CDHR3: variants seen among roughly 807,000 people sequenced by gnomAD.
CDHR3 encodes the protein cadherin related family member 3.
A neutral mutation model predicts 86.6 loss-of-function variants in CDHR3; 79 were observed. The observed-to-expected ratio is 0.91, with a 90% CI of 0.76 to 1.10. CDHR3 has a LOEUF of 1.10. CDHR3 is among the 50% of genes least tolerant of loss of function. The probability of loss-of-function intolerance (pLI) is 0.00; values close to 1 mark genes in which losing one functional copy is unlikely to be tolerated. For missense variants in CDHR3, 1,081 were observed against 1,077.6 expected, an observed-to-expected ratio of 1.00 and a Z score of -0.04; for synonymous variants, 421 against 402.4, an observed-to-expected ratio of 1.05 and a Z score of -0.55.
chr7:106,033,883 A>G lies in CDHR3; in HGVS notation c.*1186A>G, dbSNP rs996310974. 6.6e-6 allele frequency: 1 copy of G among 152,256 alleles called. No individual in the cohort carries two copies. Among genetic ancestry groups the G allele is most frequent in the African/African-American group, 2.4e-5 (1 of 41,458 alleles). 9.4% of individuals were successfully genotyped at this position (152,256 alleles called of 1,614,324 possible). On this transcript the variant is annotated 3_prime_UTR_variant, in exon 19 of 19. Transcript: ENST00000317716. ...TGCTGGATCTGCCAAAGAGTTCCAA[A>G]GTGGTGGCTCTGATTCACATTCCAG...
intron 8 of CDHR3, among the ~76,000 whole-genome samples, chr7:106,010,439 G>T (rs1003778458): frequency 2.0e-5 from 3 of 152,202 alleles, no homozygotes; most frequent in African/African-American, 7.2e-5. Context: ...AAGTCCCTAT[G>T]AATGAAACCA....
chr7:106,027,758 T>C, intron 16 of CDHR3: 1 of 404,310 alleles, frequency 2.5e-6, no homozygotes. Context: ...ATTATAGTGG[T>C]TATTGATCAT....
chr7:105,984,076 G>T, intron 3 of CDHR3, 116 bp from the exon 4 acceptor site: 2 of 504,898 alleles, frequency 4.0e-6, no homozygotes, highest in Non-Finnish European at 3.5e-6. Context: ...TGCATTCTTG[G>T]TCCCACGATG....
intron 13 of CDHR3, among the ~76,000 whole-genome samples, chr7:106,020,976 GTGT>G (rs1450475014): frequency 2.0e-5 from 3 of 152,236 alleles, no homozygotes; most frequent in South Asian, 2.1e-4. Flanking sequence ...AAGCATATTA[GTGT>G]TGTTAGAAAA....
chr7:106,013,336 C>T (rs1246078345), intron 9 of CDHR3, among the ~76,000 whole-genome samples: 2 of 152,144 alleles, frequency 1.3e-5, no homozygotes, highest in South Asian at 4.1e-4. Context: ...TGTGCTCAGG[C>T]ACTTTTGTTT....
chr7:105,969,260 G>C (rs1827512443), intron 1 of CDHR3, among the ~76,000 whole-genome samples: 1 of 150,590 alleles, frequency 6.6e-6, no homozygotes, highest in East Asian at 1.9e-4. Context: ...TTAGCCGGGC[G>C]AGGTGGCGGG....
chr7:106,023,746 G>A (rs913162578), intron 14 of CDHR3, among the ~76,000 whole-genome samples: 5 of 152,204 alleles, frequency 3.3e-5, no homozygotes, highest in Non-Finnish European at 7.3e-5. Context: ...GTGAATGGAG[G>A]CATATGGCAA....
In CDHR3 at chr7:105,994,937, TG is replaced by T. The variant is rs550909081; in HGVS notation, c.608+98del. On this transcript the variant is annotated intron_variant, in intron 5 of 18. Coordinates refer to ENST00000317716, the MANE Select transcript of CDHR3 (RefSeq NM_152750.5). Reference sequence around the variant, plus strand: ...GGTCACAGTGCAACCTGAGGGCAGCTGGGGGGAGCCCCTTGAGCAGTCTACA... The same window carrying T: ...GGTCACAGTGCAACCTGAGGGCAGCTGGGGGAGCCCCTTGAGCAGTCTACA... The T allele has an allele frequency of 6.1e-4, 620 of 1,010,206 alleles. 6 individuals are homozygous for T. In the African/African-American group the frequency reaches 8.7e-3, roughly 14 times the overall value. 62.6% of individuals were successfully genotyped at this position (1,010,206 alleles called of 1,614,324 possible).
intron 1 of CDHR3, among the ~76,000 whole-genome samples, chr7:105,967,585 T>A (rs1454468843): frequency 6.6e-6 from 1 of 152,330 alleles, no homozygotes; most frequent in East Asian, 1.9e-4. Flanking sequence ...CGTAAAAGCG[T>A]TCCTATTTCT....
chr7:106,030,026 A>G lies in CDHR3; in HGVS notation c.2305-766A>G, dbSNP rs149832327. On this transcript the variant is annotated intron_variant, in intron 17 of 18. Transcript: ENST00000317716. This position sits in a 1 kb window ranked among gnomAD's most constrained non-coding sequence, Gnocchi z 4.8. ...CTTCAGAGTTGGGGAGTTGTGGGGA[A>G]CTAGGTAGGGGATCCTTTAAGTGAT... 7.9e-3 allele frequency among the ~76,000 whole-genome samples: 1,196 copies of G among 152,328 alleles called. 8 individuals are homozygous for G. The highest frequency in any genetic ancestry group is 0.011 in the Admixed American group (163 of 15,300).
Position 106,022,179 on chromosome 7 carries a change from T to C in CDHR3, c.1826-19T>C. 1 of 1,613,470 alleles carries C rather than the reference T, an allele frequency of 6.2e-7. No homozygotes were observed. The highest frequency in any genetic ancestry group is 2.2e-5 in the East Asian group (1 of 44,886). The stretch of plus-strand genomic sequence containing the variant: ...CTTTTCTTCCTTTTACCAACACCCC[T>C]GCATCAAATCTCATTTAGGTAACGT... On this transcript the variant is annotated intron_variant, in intron 13 of 18. Transcript: ENST00000317716.
At chr7:106,005,327 C>T (rs1371742903) in intron 8 of CDHR3, among the ~76,000 whole-genome samples, 1 of 152,314 alleles carries the variant, frequency 6.6e-6, no homozygotes, top group Middle Eastern at 3.4e-3. Flanking sequence ...ACAATAAAGT[C>T]CCTTGTGATT....
intron 8 of CDHR3, among the ~76,000 whole-genome samples, chr7:106,007,265 C>T (rs1834069934): frequency 6.6e-6 from 1 of 152,208 alleles, no homozygotes; most frequent in African/African-American, 2.4e-5. Flanking sequence ...CTCTGACATG[C>T]CCTGGTGACA....
intron 1 of CDHR3, among the ~76,000 whole-genome samples, chr7:105,971,365 T>C (rs890491246): frequency 1.2e-4 from 18 of 152,186 alleles, no homozygotes; most frequent in Admixed American, 1.1e-3. Context: ...CAGTCTGGCT[T>C]TCACCATACA....
At chr7:106,004,019 A>G (rs1023068549) in intron 7 of CDHR3, among the ~76,000 whole-genome samples, 2 of 152,078 alleles carry the variant, frequency 1.3e-5, no homozygotes, top group Admixed American at 6.5e-5. Flanking sequence ...AAAGAAAGAA[A>G]AAAAAGGCAG....
At chr7:106,017,805 C>T in intron 11 of CDHR3, 41 bp from the exon 12 acceptor site, 1 of 1,482,828 alleles carries the variant, frequency 6.7e-7, no homozygotes, top group Non-Finnish European at 9.2e-7. Flanking sequence ...CTTCTCTACC[C>T]CTTAAAAGCA....
intron 8 of CDHR3, among the ~76,000 whole-genome samples, chr7:106,006,720 A>T: frequency 6.6e-6 from 1 of 152,128 alleles, no homozygotes; most frequent in East Asian, 1.9e-4. Context: ...TCCATCCTGG[A>T]TGCTTTCATG....
chr7:105,991,621 G>A (rs1224404535), intron 4 of CDHR3, among the ~76,000 whole-genome samples: 1 of 152,142 alleles, frequency 6.6e-6, no homozygotes, highest in African/African-American at 2.4e-5. Flanking sequence ...ATGTTTTACA[G>A]GATGGTTTTT....
At chr7:105,963,485 G>A (rs1826356587) in intron 1 of CDHR3, 121 bp downstream of exon 1, 2 of 1,035,202 alleles carry the variant, frequency 1.9e-6, no homozygotes, top group Admixed American at 1.8e-5. Context: ...TGAGGGCTTA[G>A]CTGCAGTAAT....
Sources: gnomAD v4.1 joint callset for allele counts (sites outside exome capture counted in the v4.1 genomes callset) on GRCh38, gnomAD v4.1.1 for gene constraint, Gnocchi (gnomAD v3.1) non-coding constraint, MANE v1.5 for transcripts, NCBI Gene and HGNC (gene_info 2026-07-23, HGNC 2026-07-21) for gene names.